VEPH1: variants seen among roughly 807,000 people sequenced by gnomAD.
VEPH1 encodes ventricular zone expressed PH domain containing 1.
Under a neutral mutation model 85.2 loss-of-function variants are expected in VEPH1, and 80 were observed. The ratio of observed to expected loss-of-function variants is 0.94; its 90% confidence interval spans 0.78 to 1.13. The LOEUF (loss-of-function observed/expected upper bound fraction) is 1.13, where lower values mean the gene tolerates loss of function less well. Ranked by LOEUF, VEPH1 falls within the 50% of genes most tolerant of loss-of-function variation. The probability of loss-of-function intolerance (pLI) is 0.00; values close to 1 mark genes in which losing one functional copy is unlikely to be tolerated. For synonymous variants in VEPH1, 297 were observed against 348.0 expected (o/e 0.85, Z 1.63); for missense variants, 955 against 980.5 (o/e 0.97, Z 0.35).
intron 6 of VEPH1, among the ~76,000 whole-genome samples, chr3:157,397,288 A>G (rs754875903): frequency 3.3e-5 from 5 of 151,992 alleles, no homozygotes; most frequent in Non-Finnish European, 7.4e-5. Context: ...CCATTGGTCT[A>G]TGTGTCTGTT....
chr3:157,266,165 G>A (rs139838642), intron 12 of VEPH1, among the ~76,000 whole-genome samples: 625 of 150,648 alleles, frequency 4.1e-3, no homozygotes, highest in Non-Finnish European at 6.2e-3. Flanking sequence ...ATAAACCCAA[G>A]TATATTTAGC....
intron 12 of VEPH1, among the ~76,000 whole-genome samples, chr3:157,271,784 G>T (rs912876918): frequency 1.3e-5 from 2 of 152,084 alleles, no homozygotes; most frequent in Non-Finnish European, 2.9e-5. Flanking sequence ...AAACAGAAGC[G>T]ATCAGGCACT....
chr3:157,496,380 A>G (rs1160826108), intron 1 of VEPH1, among the ~76,000 whole-genome samples: 1 of 152,210 alleles, frequency 6.6e-6, no homozygotes, highest in Non-Finnish European at 1.5e-5. Context: ...GACCTTAGTA[A>G]TCATTTAATG....
At chr3:157,494,657 G>A (rs1739506646) in intron 2 of VEPH1, among the ~76,000 whole-genome samples, 1 of 152,158 alleles carries the variant, frequency 6.6e-6, no homozygotes, top group Non-Finnish European at 1.5e-5. Context: ...AGAAAAAGAA[G>A]CAAGGGAAAG....
Position 157,491,467 on chromosome 3 carries a change from T to C in VEPH1, c.138+3745A>G, listed in dbSNP as rs115254546. ...AAACTTAAAGGTATGTTTGGGAACT[T>C]GGAGAGGATACTGAGTTGAGTAGTC... On this transcript the variant is annotated intron_variant, in intron 2 of 13. Coordinates refer to ENST00000362010, the MANE Select transcript of VEPH1 (RefSeq NM_001167912.2). Among the ~76,000 whole-genome samples the C allele has an allele frequency of 9.8e-3, 1,485 of 152,234 alleles. 20 individuals are homozygous for C. The highest frequency in any genetic ancestry group is 0.034 in the African/African-American group (1,400 of 41,526).
rs191111860 is a variant in VEPH1 at position 157,458,945 on chromosome 3, T to G, written c.529+1236A>C. ...AGATGGTGGCTCTAGGTGTGCAGCT[T>G]TATTTCTGGGTTCTCTATTCTGTTC... On this transcript the variant is annotated intron_variant, in intron 4 of 13. Coordinates refer to ENST00000362010, the MANE Select transcript of VEPH1 (RefSeq NM_001167912.2). Among the ~76,000 whole-genome samples, 3 of 152,302 alleles carry G rather than the reference T, an allele frequency of 2.0e-5. No individual in the cohort carries two copies. In the East Asian group the frequency reaches 5.8e-4, roughly 29 times the overall value.
chr3:157,401,584 G>T (rs896646112), intron 6 of VEPH1, among the ~76,000 whole-genome samples: 11 of 152,034 alleles, frequency 7.2e-5, no homozygotes, highest in Admixed American at 2.0e-4. Context: ...AGAATAAAAT[G>T]GAAAAATGCA....
chr3:157,453,766 C>T (rs1193133825), intron 4 of VEPH1, among the ~76,000 whole-genome samples: 1 of 152,158 alleles, frequency 6.6e-6, no homozygotes, highest in Non-Finnish European at 1.5e-5. Context: ...TTCTGCTTTG[C>T]AACTTAAAGT....
chr3:157,402,655 A>G (rs1730867470), intron 6 of VEPH1, among the ~76,000 whole-genome samples: 1 of 152,190 alleles, frequency 6.6e-6, no homozygotes. Flanking sequence ...GTTGGGAAAC[A>G]TTACCCAGAC....
chr3:157,399,871 T>C (rs1259504397), intron 6 of VEPH1, among the ~76,000 whole-genome samples: 2 of 152,088 alleles, frequency 1.3e-5, no homozygotes, highest in Non-Finnish European at 2.9e-5. Flanking sequence ...CTCTCTTAGG[T>C]AGATAATTCT....
Position 157,497,050 on chromosome 3 carries a change from G to A in VEPH1, c.-157-1544C>T, listed in dbSNP as rs76757164. Among the ~76,000 whole-genome samples, 558 of 152,242 alleles carry A rather than the reference G, an allele frequency of 3.7e-3. 19 individuals carry two copies. The East Asian group carries it at 0.067, about 18-fold the overall frequency. On this transcript the variant is annotated intron_variant, in intron 1 of 13. Transcript: ENST00000362010. ...CTGAGGTAGTTAAATAACTGCTAAAGCCATGCAGCTACAAAACTGGAGAGC... is the reference window on the plus strand; with the variant it reads ...CTGAGGTAGTTAAATAACTGCTAAAACCATGCAGCTACAAAACTGGAGAGC...
chr3:157,308,310 C>A (rs1316662305), intron 11 of VEPH1, among the ~76,000 whole-genome samples: 1 of 151,896 alleles, frequency 6.6e-6, no homozygotes, highest in African/African-American at 2.4e-5. Flanking sequence ...ATAGCAAACA[C>A]CTTTACATTT....
At chr3:157,426,640 A>G (rs1362329472) in intron 5 of VEPH1, among the ~76,000 whole-genome samples, 1 of 152,166 alleles carries the variant, frequency 6.6e-6, no homozygotes, top group Non-Finnish European at 1.5e-5. Flanking sequence ...GCTATCTGAA[A>G]AATGAACCTT....
At chr3:157,331,390 C>A (rs1306840267) in intron 9 of VEPH1, among the ~76,000 whole-genome samples, 3 of 152,234 alleles carry the variant, frequency 2.0e-5, no homozygotes, top group African/African-American at 7.2e-5. Context: ...TCATACAACA[C>A]TTCTTACCCC....
intron 6 of VEPH1, among the ~76,000 whole-genome samples, chr3:157,397,838 C>T (rs10936088): frequency 0.45 from 68,766 of 152,034 alleles, 16,007 homozygotes; most frequent in Admixed American, 0.58. Flanking sequence ...ACATCTTCTT[C>T]TAAGCAGAGC....
At chr3:157,276,620 G>A (rs1318233122) in intron 12 of VEPH1, among the ~76,000 whole-genome samples, 1 of 152,208 alleles carries the variant, frequency 6.6e-6, no homozygotes, top group East Asian at 1.9e-4. Flanking sequence ...AAGGATGGCA[G>A]TATAAGCTTA....
At chr3:157,409,412 T>G (rs982434906) in intron 6 of VEPH1, among the ~76,000 whole-genome samples, 2 of 152,130 alleles carry the variant, frequency 1.3e-5, no homozygotes, top group African/African-American at 4.8e-5. Flanking sequence ...GGGCAACAAT[T>G]GATCGGTTCT....
At chr3:157,283,808 ACAATTACTGTATCATTTGT>A (rs1279120696) in intron 12 of VEPH1, among the ~76,000 whole-genome samples, 1 of 152,242 alleles carries the variant, frequency 6.6e-6, no homozygotes, top group African/African-American at 2.4e-5. Flanking sequence ...ATACTTGAAA[ACAATTACTGTATCATTTGT>A]CAATTCTTTT....
At chr3:157,460,520 GGT>G (rs1187732389) in intron 3 of VEPH1, among the ~76,000 whole-genome samples, 165 bp from the exon 4 acceptor site, 1 of 152,126 alleles carries the variant, frequency 6.6e-6, no homozygotes, top group Non-Finnish European at 1.5e-5. Flanking sequence ...GGGAACTCTT[GGT>G]TTTGTTTAAG....
Sources: gnomAD v4.1 joint callset for allele counts (sites outside exome capture counted in the v4.1 genomes callset) on GRCh38, gnomAD v4.1.1 for gene constraint, MANE v1.5 for transcripts, NCBI Gene and HGNC (gene_info 2026-07-23, HGNC 2026-07-21) for gene names.